The following CNTNAP2 variants were observed in gnomAD, a reference collection of about 807,000 sequenced individuals.
CNTNAP2 encodes the protein contactin-associated protein-like 2.
CNTNAP2 carries 98 observed loss-of-function variants against 155.2 expected under a neutral mutation model. That is an observed-to-expected ratio of 0.63 (90% confidence interval 0.54 to 0.75). CNTNAP2 has a LOEUF of 0.75. Ranked by LOEUF, CNTNAP2 falls within the 30% of genes least tolerant of loss-of-function variation. The pLI is 0.00. For synonymous variants in CNTNAP2, 651 were observed against 631.2 expected, an observed-to-expected ratio of 1.03 and a Z score of -0.47; for missense variants, 1,727 against 1,688.1, an observed-to-expected ratio of 1.02 and a Z score of -0.40.
intron 1 of CNTNAP2, among the ~76,000 whole-genome samples, chr7:146,268,781 T>C (rs1209462928): frequency 2.0e-5 from 3 of 152,244 alleles, no homozygotes; most frequent in African/African-American, 7.2e-5. Flanking sequence ...TATTTTACCA[T>C]GTTATCCAGT....
intron 13 of CNTNAP2, among the ~76,000 whole-genome samples, chr7:147,814,040 AT>A (rs1798223603): frequency 6.6e-6 from 1 of 152,220 alleles, no homozygotes; most frequent in Non-Finnish European, 1.5e-5. Context: ...CGGTAAGATA[AT>A]TTTTATTTCT....
chr7:148,331,712 T>C (rs1444460357), intron 21 of CNTNAP2, among the ~76,000 whole-genome samples: 29 of 138,916 alleles, frequency 2.1e-4, no homozygotes, highest in East Asian at 6.4e-4. Flanking sequence ...ATGGATGGAG[T>C]GGACGGATGG....
At position 146,573,185 on chromosome 7, in the gene CNTNAP2, C is replaced by T. The variant is rs137920801; in HGVS notation, c.98-201086C>T. 4.8e-3 allele frequency among the ~76,000 whole-genome samples: 723 copies of T among 152,210 alleles called. 5 individuals carry two copies. The highest frequency in any genetic ancestry group is 0.016 in the African/African-American group (672 of 41,538). On this transcript the variant is annotated intron_variant, in intron 1 of 23. Coordinates refer to ENST00000361727, the MANE Select transcript of CNTNAP2 (RefSeq NM_014141.6). Reference sequence around the variant, plus strand: ...TTGAGACAGAGTCTCGCTCTGTCTCCAGGCTGGAGTGCAGTGGCACAATCT... The same window carrying T: ...TTGAGACAGAGTCTCGCTCTGTCTCTAGGCTGGAGTGCAGTGGCACAATCT...
intron 13 of CNTNAP2, among the ~76,000 whole-genome samples, chr7:147,778,866 A>G (rs1207154289): frequency 6.6e-6 from 1 of 152,134 alleles, no homozygotes; most frequent in African/African-American, 2.4e-5. Context: ...TTTCTTTTGT[A>G]ACAAACATAG....
intron 3 of CNTNAP2, among the ~76,000 whole-genome samples, chr7:147,033,841 C>G (rs1279130754): frequency 6.7e-6 from 1 of 149,010 alleles, no homozygotes; most frequent in African/African-American, 2.5e-5. Context: ...TACAGGCAAA[C>G]TCCCAAATTG....
At chr7:146,496,262 G>T (rs986772047) in intron 1 of CNTNAP2, among the ~76,000 whole-genome samples, 1 of 152,134 alleles carries the variant, frequency 6.6e-6, no homozygotes, top group Admixed American at 6.5e-5. Context: ...CACAATACGC[G>T]TGGACATGTG....
chr7:146,132,163 A>C (rs1797723983), intron 1 of CNTNAP2, among the ~76,000 whole-genome samples: 1 of 152,168 alleles, frequency 6.6e-6, no homozygotes, highest in African/African-American at 2.4e-5. Flanking sequence ...CTCTGCTAAA[A>C]TACGTTCTTT....
At chr7:146,386,483 G>A (rs1795463548) in intron 1 of CNTNAP2, among the ~76,000 whole-genome samples, 1 of 152,120 alleles carries the variant, frequency 6.6e-6, no homozygotes, top group South Asian at 2.1e-4. Context: ...CTGCCTCCTG[G>A]GCTCAAGTGA....
intron 1 of CNTNAP2, among the ~76,000 whole-genome samples, chr7:146,231,247 G>C (rs1799380081): frequency 6.6e-6 from 1 of 152,100 alleles, no homozygotes. Context: ...CTGCAACATG[G>C]AAATAGGGCA....
intron 21 of CNTNAP2, among the ~76,000 whole-genome samples, chr7:148,283,213 C>A (rs1797003476): frequency 7.6e-6 from 1 of 131,172 alleles, no homozygotes; most frequent in Admixed American, 8.5e-5. Context: ...TGCACTCCAG[C>A]CTGGGCAACA....
chr7:146,337,472 T>C (rs1801296879), intron 1 of CNTNAP2, among the ~76,000 whole-genome samples: 1 of 152,172 alleles, frequency 6.6e-6, no homozygotes, highest in South Asian at 2.1e-4. Context: ...ATTTTTTACT[T>C]TTTAGAGACA....
intron 13 of CNTNAP2, among the ~76,000 whole-genome samples, chr7:147,788,076 A>G (rs929144589): frequency 6.6e-6 from 1 of 152,134 alleles, no homozygotes; most frequent in Non-Finnish European, 1.5e-5. Flanking sequence ...GATGCATTTC[A>G]TTTTCTTAAT....
intron 3 of CNTNAP2, among the ~76,000 whole-genome samples, chr7:146,858,612 T>C (rs1262420127): frequency 6.6e-6 from 1 of 152,170 alleles, no homozygotes; most frequent in Non-Finnish European, 1.5e-5. Context: ...GAGGATCACC[T>C]GAGTCCAGGA....
intron 8 of CNTNAP2, among the ~76,000 whole-genome samples, chr7:147,154,618 G>A (rs1053172315): frequency 6.6e-6 from 1 of 151,944 alleles, no homozygotes; most frequent in Non-Finnish European, 1.5e-5. Context: ...CTCAGGAAAG[G>A]CATGGCAGCT....
intron 13 of CNTNAP2, among the ~76,000 whole-genome samples, chr7:147,675,949 G>A (rs374597454): frequency 2.0e-5 from 3 of 152,106 alleles, no homozygotes; most frequent in Non-Finnish European, 4.4e-5. Flanking sequence ...GATGATACTA[G>A]CTTCACACAT....
chr7:146,853,228 T>G (rs1267099170), intron 3 of CNTNAP2, among the ~76,000 whole-genome samples: 1 of 152,226 alleles, frequency 6.6e-6, no homozygotes, highest in Non-Finnish European at 1.5e-5. Context: ...AGCATTTTCT[T>G]GAAATATTAA....
intron 10 of CNTNAP2, among the ~76,000 whole-genome samples, chr7:147,456,670 T>C (rs1040474901): frequency 1.3e-5 from 2 of 151,520 alleles, no homozygotes; most frequent in African/African-American, 4.9e-5. Flanking sequence ...TTTAGAAAAA[T>C]TAATCACAGA....
chr7:147,033,851 G>C (rs1369099192), intron 3 of CNTNAP2, among the ~76,000 whole-genome samples: 1 of 150,576 alleles, frequency 6.6e-6, no homozygotes, highest in Admixed American at 6.6e-5. Flanking sequence ...CTCCCAAATT[G>C]GGGCTTAGCC....
intron 1 of CNTNAP2, among the ~76,000 whole-genome samples, chr7:146,508,906 C>A (rs369156790): frequency 4.6e-5 from 7 of 152,188 alleles, no homozygotes; most frequent in African/African-American, 1.7e-4. Flanking sequence ...GCCCTTTTGT[C>A]CCATGAGATG....
Sources: gnomAD v4.1 joint callset for allele counts (sites outside exome capture counted in the v4.1 genomes callset) on GRCh38, gnomAD v4.1.1 for gene constraint, MANE v1.5 for transcripts, NCBI Gene and HGNC (gene_info 2026-07-23, HGNC 2026-07-21) for gene names.